TSPAN18: variants seen among roughly 807,000 people sequenced by gnomAD.
The protein encoded by TSPAN18 is tetraspanin 18, also known as tetraspanin-18.
Under a neutral mutation model 27.3 loss-of-function variants are expected in TSPAN18, and 14 were observed. The ratio of observed to expected loss-of-function variants is 0.51; its 90% CI spans 0.34 to 0.80. TSPAN18 has a LOEUF of 0.80. Among genes scored for constraint, TSPAN18 ranks in the 30% least tolerant of loss-of-function variants. The pLI, the probability that TSPAN18 is intolerant of heterozygous loss-of-function variation, is 0.01. For missense variants in TSPAN18, 268 were observed against 323.9 expected (o/e 0.83, Z 1.32); for synonymous variants, 143 against 136.5 (o/e 1.05, Z -0.33).
chr11:44,842,372 G>A (rs1253329472), intron 2 of TSPAN18, among the ~76,000 whole-genome samples: 1 of 152,228 alleles, frequency 6.6e-6, no homozygotes, highest in East Asian at 1.9e-4. Flanking sequence ...TTGACCCCAT[G>A]TAAAGATACA....
chr11:44,790,380 T>A (rs1856177297), intron 2 of TSPAN18, among the ~76,000 whole-genome samples: 1 of 149,478 alleles, frequency 6.7e-6, no homozygotes, highest in African/African-American at 2.5e-5. Context: ...TTTGTGTGCG[T>A]GTGTGTGCAT....
intron 1 of TSPAN18, among the ~76,000 whole-genome samples, chr11:44,752,803 C>T (rs1326850973): frequency 1.3e-5 from 2 of 152,154 alleles, no homozygotes; most frequent in East Asian, 1.9e-4. Flanking sequence ...AATATGATGG[C>T]TGGATTGGAT....
At chr11:44,789,874 T>A (rs114216506) in intron 2 of TSPAN18, among the ~76,000 whole-genome samples, 1 of 152,216 alleles carries the variant, frequency 6.6e-6, no homozygotes, top group African/African-American at 2.4e-5. Context: ...CTAATTCTTG[T>A]CTCTGTGGGG....
chr11:44,897,498 C>T (rs1177941706), intron 3 of TSPAN18, among the ~76,000 whole-genome samples: 1 of 152,206 alleles, frequency 6.6e-6, no homozygotes, highest in Non-Finnish European at 1.5e-5. Flanking sequence ...ATCTGCAAGT[C>T]TATTAAAGAT....
rs1314592922 is a variant in TSPAN18 at position 44,879,727 on chromosome 11, G to A, written c.-11+19258G>A. On this transcript the variant is annotated intron_variant, in intron 3 of 9. Transcript: ENST00000520358. ...GGGCCTTGTAAGCTGTTGTGAGTTT[G>A]TGGCAGGGGTAAGTAAATGACAGCA... 2.6e-5 allele frequency among the ~76,000 whole-genome samples: 4 copies of A among 152,372 alleles called. No homozygotes were observed. The East Asian group carries it at 7.7e-4, about 29-fold the overall frequency.
Position 44,919,904 on chromosome 11 carries a change from G to A in TSPAN18, c.520G>A (p.Glu174Lys). ...LLTLDSEEVP[E>K]ACCRREPQSR... ...GACCCTGGATAGTGAAGAGGTGCCG[G>A]AGGCCTGCTGCCGGAGGGAACCCCA... is the stretch of plus-strand genomic sequence containing the variant. The change falls in exon 8 of 10, where the codon GAG (glutamate) becomes AAG (lysine). Residue 174 changes from glutamate to lysine, a missense_variant. By Grantham distance (56) the Glu-to-Lys change is moderately conservative (BLOSUM62 1). Transcript: ENST00000520358. 1 of 1,614,222 alleles carries A rather than the reference G, an allele frequency of 6.2e-7. No homozygotes were observed. Among genetic ancestry groups the A allele is most frequent in the Non-Finnish European group, 8.5e-7 (1 of 1,180,034 alleles).
At chr11:44,917,521 G>A (rs75924625) in intron 5 of TSPAN18, 2,464 of 155,070 alleles carry the variant, frequency 0.016, 55 homozygotes, top group African/African-American at 0.056. Context: ...AGGCAGTGGG[G>A]CAGGGAGAGG....
intron 1 of TSPAN18, among the ~76,000 whole-genome samples, chr11:44,746,097 T>A (rs1305537854): frequency 6.6e-6 from 1 of 152,206 alleles, no homozygotes; most frequent in African/African-American, 2.4e-5. Flanking sequence ...TGCATAAAAC[T>A]CCAGATTTCT....
intron 2 of TSPAN18, among the ~76,000 whole-genome samples, chr11:44,844,125 T>C (rs914359768): frequency 1.3e-5 from 2 of 152,234 alleles, no homozygotes; most frequent in African/African-American, 4.8e-5. Context: ...AAAGTATTAA[T>C]TTGGGGAACT....
chr11:44,848,425 A>C (rs1321113842), intron 2 of TSPAN18, among the ~76,000 whole-genome samples: 2 of 152,118 alleles, frequency 1.3e-5, no homozygotes, highest in East Asian at 1.9e-4. Context: ...CTGATGCTGC[A>C]TTTGCTGTTT....
chr11:44,908,056 GA>G (rs386373739), intron 4 of TSPAN18, among the ~76,000 whole-genome samples: 76 of 124,908 alleles, frequency 6.1e-4, no homozygotes, highest in Admixed American at 1.7e-3. Context: ...CTCCGTCTCA[GA>G]AAAAAAAAAA....
chr11:44,778,207 G>T (rs1010123961), intron 2 of TSPAN18, among the ~76,000 whole-genome samples: 1 of 151,970 alleles, frequency 6.6e-6, no homozygotes, highest in African/African-American at 2.4e-5. Context: ...TGCCCAGGAT[G>T]GTGCAACTTG....
At chr11:44,796,364 G>T (rs75806076) in intron 2 of TSPAN18, among the ~76,000 whole-genome samples, 18,953 of 152,088 alleles carry the variant, frequency 0.12, 1,562 homozygotes, top group Non-Finnish European at 0.18. Flanking sequence ...TGGATGGCAG[G>T]GTCCTCTGCC....
At chr11:44,907,176 G>C (rs560807471) in intron 4 of TSPAN18, among the ~76,000 whole-genome samples, 2 of 152,136 alleles carry the variant, frequency 1.3e-5, no homozygotes, top group Non-Finnish European at 2.9e-5. Context: ...CGGCCCACCT[G>C]CTGGCGGCCC....
At chr11:44,818,877 G>A (rs977192018) in intron 2 of TSPAN18, among the ~76,000 whole-genome samples, 2 of 152,128 alleles carry the variant, frequency 1.3e-5, no homozygotes, top group South Asian at 4.1e-4. Context: ...GCCACTAACA[G>A]CACGTGGCCT....
Position 44,727,053 on chromosome 11 carries a change from AGCCCCGGCCCCGGCCCCAGCCCCG to A in TSPAN18, c.-456_-433del, listed in dbSNP as rs1245928850. On this transcript the variant is annotated 5_prime_UTR_variant, in exon 1 of 10. Transcript: ENST00000520358. ...AGCCGCGCGAGGCCGCCCGAGCCCCAGCCCCGGCCCCGGCCCCAGCCCCGGCCCCGGCCCCGGCCCCGGCCCCGG... is the reference window on the plus strand; with the variant it reads ...AGCCGCGCGAGGCCGCCCGAGCCCCAGCCCCGGCCCCGGCCCCGGCCCCGG... 1 of 120,982 alleles carries A rather than the reference AGCCCCGGCCCCGGCCCCAGCCCCG, an allele frequency of 8.3e-6. No homozygotes were observed. The highest frequency in any genetic ancestry group is 2.9e-4 in the East Asian group (1 of 3,428). 7.5% of individuals were successfully genotyped at this position (120,982 alleles called of 1,614,324 possible). A position where few individuals can be genotyped will look rare whatever the true frequency, so the allele number is the denominator to read the frequency against.
Position 44,930,140 on chromosome 11 carries a change from C to A in TSPAN18, c.*962C>A, listed in dbSNP as rs1050625731. 6.6e-6 allele frequency: 1 copy of A among 152,656 alleles called. No individual in the cohort carries two copies. Among genetic ancestry groups the A allele is most frequent in the Non-Finnish European group, 1.5e-5 (1 of 68,316 alleles). The allele number at this position is 152,656 out of a possible 1,614,324, so 9.5% of individuals were successfully genotyped here. A position where few individuals can be genotyped will look rare whatever the true frequency, so the allele number is the denominator to read the frequency against. ...TGCCCGCCTCTCCCACATGCCACCC[C>A]CTTCCCTGTCCTTCCCCAACTCCCC... On this transcript the variant is annotated 3_prime_UTR_variant, in exon 10 of 10. Transcript: ENST00000520358.
At chr11:44,919,143 G>C (rs1411004710) in intron 6 of TSPAN18, 71 bp from the exon 7 acceptor site, 13 of 1,232,698 alleles carry the variant, frequency 1.1e-5, no homozygotes, top group Non-Finnish European at 4.8e-6. Context: ...GCAGGTGGAT[G>C]GAGAGACGAT....
intron 2 of TSPAN18, among the ~76,000 whole-genome samples, chr11:44,775,637 TG>T (rs1436635220): frequency 4.6e-5 from 7 of 152,154 alleles, no homozygotes; most frequent in Admixed American, 6.5e-5. Flanking sequence ...CTTGGGCCTC[TG>T]GGGCTGCTTT....
Sources: gnomAD v4.1 joint callset for allele counts (sites outside exome capture counted in the v4.1 genomes callset) on GRCh38, gnomAD v4.1.1 for gene constraint, MANE v1.5 for transcripts, NCBI Gene and HGNC (gene_info 2026-07-23, HGNC 2026-07-21) for gene names.